The following EPB41L4B variants were observed in gnomAD, a reference collection of about 807,000 sequenced individuals.
The protein encoded by EPB41L4B is band 4.1-like protein 4B.
A neutral mutation model predicts 112.5 loss-of-function variants in EPB41L4B; 30 were observed. That is an observed-to-expected ratio of 0.27 (90% CI 0.20 to 0.36). The LOEUF (loss-of-function observed/expected upper bound fraction) is 0.36. EPB41L4B is among the 10% of genes least tolerant of loss of function. EPB41L4B has a pLI of 1.00. For missense variants in EPB41L4B, 1,024 were observed against 1,133.3 expected (o/e 0.90, Z 1.38); for synonymous variants, 408 against 439.7 (o/e 0.93, Z 0.90).
intron 22 of EPB41L4B, among the ~76,000 whole-genome samples, chr9:109,188,871 C>T (rs1295522640): frequency 6.6e-6 from 1 of 152,014 alleles, no homozygotes; most frequent in East Asian, 1.9e-4. Context: ...GGGACGAGCC[C>T]CAAAGAGAAA....
chr9:109,269,357 G>A (rs1179889729), intron 2 of EPB41L4B, among the ~76,000 whole-genome samples: 1 of 152,194 alleles, frequency 6.6e-6, no homozygotes, highest in Non-Finnish European at 1.5e-5. Context: ...CTTATCTGAG[G>A]AGATTACAAA....
intron 23 of EPB41L4B, among the ~76,000 whole-genome samples, chr9:109,183,984 C>T (rs1051056382): frequency 2.0e-5 from 3 of 152,256 alleles, no homozygotes; most frequent in African/African-American, 7.2e-5. Flanking sequence ...CCAGCCCAAG[C>T]CTGCTCCCCT....
At chr9:109,266,177 G>T (rs919094282) in intron 4 of EPB41L4B, among the ~76,000 whole-genome samples, 2 of 152,176 alleles carry the variant, frequency 1.3e-5, no homozygotes, top group Non-Finnish European at 2.9e-5. Context: ...CCTAGCAGGA[G>T]CCTGGGTAAC....
intron 15 of EPB41L4B, among the ~76,000 whole-genome samples, chr9:109,232,306 T>C (rs577023025): frequency 6.0e-5 from 9 of 150,880 alleles, no homozygotes; most frequent in African/African-American, 2.0e-4. Flanking sequence ...CTGGGTTTCT[T>C]ACAGATTTTT....
chr9:109,266,990 A>G (rs941506832), intron 4 of EPB41L4B, among the ~76,000 whole-genome samples: 13 of 149,354 alleles, frequency 8.7e-5, no homozygotes, highest in Non-Finnish European at 1.5e-4. Flanking sequence ...AAAAAAAAAA[A>G]AAAGAAATTC....
intron 21 of EPB41L4B, 137 bp downstream of exon 21, chr9:109,194,082 TG>T: frequency 1.1e-6 from 1 of 882,804 alleles, no homozygotes; most frequent in Non-Finnish European, 1.7e-6. Flanking sequence ...AAACATGTTC[TG>T]GTTGTTGCTG....
At chr9:109,256,262 A>C (rs774277529) in intron 8 of EPB41L4B, 38 bp from the exon 9 acceptor site, 2 of 1,600,164 alleles carry the variant, frequency 1.2e-6, no homozygotes, top group East Asian at 4.5e-5. Flanking sequence ...AGAGGGTTCT[A>C]ACAGGTCGTC....
chr9:109,221,258 G>T (rs1344764105), intron 15 of EPB41L4B, among the ~76,000 whole-genome samples: 2 of 152,158 alleles, frequency 1.3e-5, no homozygotes, highest in African/African-American at 4.8e-5. Flanking sequence ...AAGGAAGAAT[G>T]AAAGGAAGGA....
intron 15 of EPB41L4B, chr9:109,241,914 A>G: frequency 8.7e-7 from 1 of 1,153,636 alleles, no homozygotes; most frequent in Middle Eastern, 2.0e-4. Flanking sequence ...GGGAACCATG[A>G]GCCATGTGAA....
At chr9:109,249,382 C>T (rs955367887) in intron 13 of EPB41L4B, among the ~76,000 whole-genome samples, 2 of 152,024 alleles carry the variant, frequency 1.3e-5, no homozygotes, top group African/African-American at 4.8e-5. Flanking sequence ...ACGGCTCCCA[C>T]AGCAATCCTA....
intron 1 of EPB41L4B, among the ~76,000 whole-genome samples, chr9:109,280,909 C>T (rs554418390): frequency 1.3e-5 from 2 of 152,130 alleles, no homozygotes; most frequent in Admixed American, 1.3e-4. Context: ...CCTTTAACTG[C>T]AGCACTGGGT....
intron 1 of EPB41L4B, among the ~76,000 whole-genome samples, chr9:109,318,215 T>C (rs377044365): frequency 6.6e-6 from 1 of 151,828 alleles, no homozygotes; most frequent in African/African-American, 2.4e-5. Context: ...CTTCACTAAG[T>C]CACATCATAG....
intron 4 of EPB41L4B, among the ~76,000 whole-genome samples, chr9:109,265,773 A>G (rs371981603): frequency 2.0e-5 from 3 of 152,246 alleles, no homozygotes; most frequent in East Asian, 3.8e-4. Context: ...TGTAAAAACC[A>G]AAACTGCCTG....
At chr9:109,292,018 T>C (rs1836554098) in intron 1 of EPB41L4B, among the ~76,000 whole-genome samples, 1 of 152,218 alleles carries the variant, frequency 6.6e-6, no homozygotes, top group South Asian at 2.1e-4. Context: ...CATTTCTTCC[T>C]TTAACAGCAT....
At chr9:109,289,046 G>A (rs1588213266) in intron 1 of EPB41L4B, among the ~76,000 whole-genome samples, 2 of 152,256 alleles carry the variant, frequency 1.3e-5, no homozygotes, top group East Asian at 1.9e-4. Flanking sequence ...CACCTTTCCT[G>A]TGTTTGCCAG....
At chr9:109,192,187 A>C in intron 22 of EPB41L4B, 91 bp downstream of exon 22, 1 of 1,024,584 alleles carries the variant, frequency 9.8e-7, no homozygotes, top group Non-Finnish European at 1.5e-6. Flanking sequence ...AGGCTCCTCA[A>C]CAGCAATGCC....
At chr9:109,188,930 G>A (rs781407086) in intron 22 of EPB41L4B, among the ~76,000 whole-genome samples, 16 of 152,184 alleles carry the variant, frequency 1.1e-4, no homozygotes, top group Non-Finnish European at 1.6e-4. Context: ...TGTTACCTGG[G>A]GAGGGAAGCT....
intron 14 of EPB41L4B, among the ~76,000 whole-genome samples, chr9:109,244,781 G>A (rs1834489205): frequency 6.6e-6 from 1 of 152,180 alleles, no homozygotes; most frequent in African/African-American, 2.4e-5. Flanking sequence ...AATCTCCTAA[G>A]GGGCAAATTA....
In EPB41L4B at chr9:109,243,669, G is replaced by A. The variant is rs369535289; in HGVS notation, c.1358C>T (p.Pro453Leu). Residue 453 changes from proline (P) to leucine (L), a missense_variant, in exon 15 of 26, where the codon CCT becomes CTT. Transcript: ENST00000374566. The stretch of plus-strand genomic sequence containing the variant: ...CCGGGGCTGGCTGGGATGGATATTA[G>A]GATGATATTGAGGCTAGAAATAAAA... ...EVHNYQPQYH[P>L]NIHPSQPRWH... The A allele has an allele frequency of 6.2e-7, 1 of 1,614,030 alleles. No homozygotes were observed.
Sources: allele counts gnomAD v4.1 joint callset (sites outside exome capture counted in the v4.1 genomes callset), GRCh38; gene constraint gnomAD v4.1.1; transcripts MANE v1.5; gene names NCBI Gene and HGNC (gene_info 2026-07-23, HGNC 2026-07-21).